The following ALK variants were observed in gnomAD, a reference collection of about 807,000 sequenced individuals.
ALK encodes ALK receptor tyrosine kinase.
Under a neutral mutation model 163.1 loss-of-function variants are expected in ALK, and 74 were observed. The observed-to-expected ratio is 0.45, with a 90% confidence interval of 0.38 to 0.55. The LOEUF is 0.55. Among genes scored for constraint, ALK ranks in the 20% least tolerant of loss-of-function variants. ALK has a pLI of 0.00. For synonymous variants in ALK, 960 were observed against 843.2 expected (o/e 1.14, Z -2.40); for missense variants, 2,063 against 2,105.3 (o/e 0.98, Z 0.39).
chr2:29,814,970 A>G (rs1646261533), intron 1 of ALK, among the ~76,000 whole-genome samples: 1 of 127,062 alleles, frequency 7.9e-6, no homozygotes, highest in Non-Finnish European at 1.7e-5. Context: ...CCTCTAATTT[A>G]ATCTGAAATG....
intron 4 of ALK, among the ~76,000 whole-genome samples, chr2:29,448,548 G>C (rs762335169): frequency 1.3e-5 from 2 of 152,188 alleles, no homozygotes; most frequent in African/African-American, 2.4e-5. Context: ...TCCTGGAACA[G>C]CAGACACTGA....
chr2:29,530,032 T>G lies in ALK; in HGVS notation c.1154+1883A>C, dbSNP rs182870825. 7.3e-5 allele frequency among the ~76,000 whole-genome samples: 11 copies of G among 151,712 alleles called. No homozygotes were observed. The East Asian group carries it at 1.9e-3, about 27-fold the overall frequency. On this transcript the variant is annotated intron_variant, in intron 4 of 28. Transcript: ENST00000389048. Reference sequence around the variant, plus strand: ...TGGCAAGTCCCAGGGCTCATTTGTCTTGAAGGATCAAATAATCAAAATAAT... The same window carrying G: ...TGGCAAGTCCCAGGGCTCATTTGTCGTGAAGGATCAAATAATCAAAATAAT...
chr2:29,618,207 A>T (rs72862851), intron 3 of ALK, among the ~76,000 whole-genome samples: 3,876 of 152,294 alleles, frequency 0.025, 94 homozygotes, highest in South Asian at 0.056. Context: ...GTTTCTGATC[A>T]AAGGTCAACC....
At chr2:29,832,426 T>C (rs1487735177) in intron 1 of ALK, among the ~76,000 whole-genome samples, 2 of 152,172 alleles carry the variant, frequency 1.3e-5, no homozygotes, top group Admixed American at 6.5e-5. Flanking sequence ...GGCAAACCGA[T>C]GCACAACAAC....
chr2:29,614,054 G>A (rs1262100809), intron 3 of ALK, among the ~76,000 whole-genome samples: 1 of 152,122 alleles, frequency 6.6e-6, no homozygotes, highest in Non-Finnish European at 1.5e-5. Context: ...ACTCACCGGG[G>A]GCATCAGGAC....
rs187916748 is a variant in ALK, at chr2:29,354,918, C to G, written c.1283-26437G>C. Among the ~76,000 whole-genome samples, 361 of 152,218 alleles carry G rather than the reference C, an allele frequency of 2.4e-3. 2 individuals are homozygous for G. The highest frequency in any genetic ancestry group is 8.2e-3 in the African/African-American group (339 of 41,540). On this transcript the variant is annotated intron_variant, in intron 5 of 28. Coordinates refer to ENST00000389048, the MANE Select transcript of ALK (RefSeq NM_004304.5). ...AGTAGCTAGGACTACAGGTGCCTGC[C>G]ACCGCGCCTGGCTAATTTTTTGTAT...
chr2:29,468,741 C>T (rs1489225269), intron 4 of ALK, among the ~76,000 whole-genome samples: 1 of 151,360 alleles, frequency 6.6e-6, no homozygotes, highest in African/African-American at 2.4e-5. Context: ...GTGGTCCCAG[C>T]CACTCAGGAG....
chr2:29,857,821 G>C (rs1186043066), intron 1 of ALK, among the ~76,000 whole-genome samples: 1 of 152,176 alleles, frequency 6.6e-6, no homozygotes, highest in Non-Finnish European at 1.5e-5. Flanking sequence ...CAAGTGTTAG[G>C]GCTAGAAGTG....
intron 3 of ALK, among the ~76,000 whole-genome samples, chr2:29,573,438 T>G (rs1382110447): frequency 6.6e-6 from 1 of 152,248 alleles, no homozygotes; most frequent in Non-Finnish European, 1.5e-5. Flanking sequence ...TATGCTTATC[T>G]TTTGCATTTG....
At chr2:29,717,988 A>T (rs1223085843) in intron 1 of ALK, among the ~76,000 whole-genome samples, 1 of 152,184 alleles carries the variant, frequency 6.6e-6, no homozygotes, top group African/African-American at 2.4e-5. Context: ...TTGGTCTAAG[A>T]GTTCTATCCA....
chr2:29,405,905 C>T (rs1031192693), intron 4 of ALK, among the ~76,000 whole-genome samples: 5 of 152,148 alleles, frequency 3.3e-5, no homozygotes, highest in African/African-American at 1.2e-4. Flanking sequence ...TTAGATCTTT[C>T]TACTCAGAAT....
At chr2:29,645,382 G>C (rs1471823119) in intron 3 of ALK, among the ~76,000 whole-genome samples, 2 of 152,106 alleles carry the variant, frequency 1.3e-5, no homozygotes, top group Non-Finnish European at 1.5e-5. Context: ...AACAAACTTG[G>C]CTTCTTTCAT....
chr2:29,812,714 G>T (rs991638623), intron 1 of ALK, among the ~76,000 whole-genome samples: 1 of 152,106 alleles, frequency 6.6e-6, no homozygotes, highest in African/African-American at 2.4e-5. Flanking sequence ...AGGGGAGAAG[G>T]TCACCTGTCC....
At chr2:29,837,329 A>C (rs905941492) in intron 1 of ALK, among the ~76,000 whole-genome samples, 10 of 152,124 alleles carry the variant, frequency 6.6e-5, no homozygotes, top group Non-Finnish European at 1.2e-4. Flanking sequence ...AGGTGCCTGG[A>C]ATTTGTAGGA....
chr2:29,446,241 T>G (rs1670681326), intron 4 of ALK, among the ~76,000 whole-genome samples: 1 of 151,976 alleles, frequency 6.6e-6, no homozygotes, highest in African/African-American at 2.4e-5. Context: ...AAGGCAACTC[T>G]GGATCAATTC....
Position 29,415,825 on chromosome 2 carries a change from T to C in ALK, c.1155-31966A>G, listed in dbSNP as rs191414483. Among the ~76,000 whole-genome samples the C allele has an allele frequency of 4.3e-3, 658 of 152,296 alleles. 5 individuals carry two copies. Among genetic ancestry groups the C allele is most frequent in the African/African-American group, 0.014 (584 of 41,562 alleles). On this transcript the variant is annotated intron_variant, in intron 4 of 28. Coordinates refer to ENST00000389048, the MANE Select transcript of ALK (RefSeq NM_004304.5). ...AGGTGGAGGAAGATCACATTCTCCT[T>C]CTCTCTTCTTGAACTAAAATATCCA...
At chr2:29,309,200 C>T (rs1332005490) in intron 8 of ALK, among the ~76,000 whole-genome samples, 4 of 152,122 alleles carry the variant, frequency 2.6e-5, no homozygotes, top group Non-Finnish European at 5.9e-5. Flanking sequence ...GGGCCCAGAG[C>T]CCTCTGGGGA....
At position 29,782,466 on chromosome 2, in the gene ALK, G is replaced by A. The variant is rs905544663; in HGVS notation, c.668-64769C>T. On this transcript the variant is annotated intron_variant, in intron 1 of 28. Coordinates refer to ENST00000389048, the MANE Select transcript of ALK (RefSeq NM_004304.5). ...AAAGCATTTTCTTCTTTGGTGCCCC[G>A]CACCCATTCACCACCATCACTAGCC... is the stretch of plus-strand genomic sequence containing the variant. Among the ~76,000 whole-genome samples the A allele has an allele frequency of 5.3e-5, 8 of 152,082 alleles. No individual in the cohort carries two copies. In the East Asian group the frequency reaches 5.8e-4, roughly 11 times the overall value.
intron 3 of ALK, among the ~76,000 whole-genome samples, chr2:29,603,402 C>T (rs1675432633): frequency 6.6e-6 from 1 of 152,166 alleles, no homozygotes; most frequent in African/African-American, 2.4e-5. Context: ...TCAGGGCCTG[C>T]TCTCTGTCAT....
Sources: allele counts gnomAD v4.1 joint callset (sites outside exome capture counted in the v4.1 genomes callset), GRCh38; gene constraint gnomAD v4.1.1; transcripts MANE v1.5; gene names NCBI Gene and HGNC (gene_info 2026-07-23, HGNC 2026-07-21).